FBXW7: variants seen among roughly 807,000 people sequenced by gnomAD.
FBXW7 encodes the protein F-box and WD repeat domain containing 7, also known as F-box/WD repeat-containing protein 7.
In FBXW7, 11 loss-of-function variants were observed where a neutral mutation model predicts 86.3. The ratio of observed to expected loss-of-function variants is 0.13; its 90% CI spans 0.08 to 0.21. The LOEUF is 0.21. Among genes scored for constraint, FBXW7 ranks in the 10% least tolerant of loss-of-function variants. The probability of loss-of-function intolerance (pLI) is 1.00; values close to 1 mark genes in which losing one functional copy is unlikely to be tolerated. For synonymous variants in FBXW7, 313 were observed against 297.9 expected (o/e 1.05, Z -0.52); for missense variants, 488 against 847.4 (o/e 0.58, Z 5.27).
intron 2 of FBXW7, 172 bp from the exon 3 acceptor site, chr4:152,412,701 T>C (rs1201912159): frequency 6.6e-6 from 1 of 152,048 alleles, no homozygotes; most frequent in East Asian, 1.9e-4. Flanking sequence ...AAACATGACG[T>C]TCATAAAATA....
At chr4:152,348,752 T>C in intron 5 of FBXW7, 1 of 1,062,938 alleles carries the variant, frequency 9.4e-7, no homozygotes, top group Non-Finnish European at 1.2e-6. Flanking sequence ...TAACATTAAA[T>C]GCAAATTTCT....
chr4:152,393,173 G>GA (rs898137100), intron 4 of FBXW7, among the ~76,000 whole-genome samples: 1 of 151,942 alleles, frequency 6.6e-6, no homozygotes, highest in Non-Finnish European at 1.5e-5. Context: ...AAAAGAAGGT[G>GA]AAAAAAATCA....
intron 4 of FBXW7, among the ~76,000 whole-genome samples, chr4:152,373,201 A>G (rs1439288883): frequency 6.6e-6 from 1 of 152,050 alleles, no homozygotes; most frequent in Non-Finnish European, 1.5e-5. Context: ...GAACCTTCCT[A>G]TGCCTGAGAT....
chr4:152,425,041 AGAT>A (rs1739260143), intron 2 of FBXW7, among the ~76,000 whole-genome samples: 1 of 152,234 alleles, frequency 6.6e-6, no homozygotes, highest in African/African-American at 2.4e-5. Context: ...ACAAGCTCCC[AGAT>A]GATGCCATTA....
chr4:152,463,256 T>A (rs888806387), intron 2 of FBXW7, among the ~76,000 whole-genome samples: 1 of 151,686 alleles, frequency 6.6e-6, no homozygotes, highest in African/African-American at 2.4e-5. Context: ...ACCACTGCAC[T>A]CCAGCCTGGG....
At chr4:152,477,027 A>C (rs759562969) in intron 2 of FBXW7, among the ~76,000 whole-genome samples, 1 of 151,792 alleles carries the variant, frequency 6.6e-6, no homozygotes, top group Non-Finnish European at 1.5e-5. Context: ...TCACACTACT[A>C]TATGGGAACC....
At chr4:152,397,860 C>A (rs1001696962) in intron 4 of FBXW7, among the ~76,000 whole-genome samples, 2 of 151,802 alleles carry the variant, frequency 1.3e-5, no homozygotes, top group African/African-American at 2.4e-5. Context: ...AGAGATAATT[C>A]TTTTCTCACA....
intron 2 of FBXW7, among the ~76,000 whole-genome samples, chr4:152,467,613 C>T (rs1216745378): frequency 6.6e-6 from 1 of 152,160 alleles, no homozygotes; most frequent in African/African-American, 2.4e-5. Context: ...TTGCTTAAAA[C>T]AATTAGCTGA....
At chr4:152,348,765 T>C (rs1183123352) in intron 5 of FBXW7, 4 of 959,706 alleles carry the variant, frequency 4.2e-6, no homozygotes, top group Non-Finnish European at 5.6e-6. Flanking sequence ...AAATTTCTCA[T>C]CCAAGAAATA....
In FBXW7 at chr4:152,350,023, T is replaced by A. The variant is rs2126648906; in HGVS notation, c.584+19A>T. On this transcript the variant is annotated intron_variant, in intron 5 of 13. Coordinates refer to ENST00000281708, the MANE Select transcript of FBXW7 (RefSeq NM_001349798.2). ...TAAAAAACTGAGAATCATGAGATAA[T>A]CATTATATTTAATATTACCTTGTAT... 1 of 1,333,824 alleles carries A rather than the reference T, an allele frequency of 7.5e-7. No homozygotes were observed. Among genetic ancestry groups the A allele is most frequent in the South Asian group, 1.5e-5 (1 of 68,780 alleles). The allele number at this position is 1,333,824 out of a possible 1,614,324, so 82.6% of individuals were successfully genotyped here.
chr4:152,400,161 T>C (rs372674970), intron 4 of FBXW7, among the ~76,000 whole-genome samples: 1 of 152,112 alleles, frequency 6.6e-6, no homozygotes, highest in East Asian at 1.9e-4. Context: ...TCTTTGACAA[T>C]GGAACAAAGG....
At chr4:152,482,786 A>G (rs879417840) in intron 2 of FBXW7, among the ~76,000 whole-genome samples, 2 of 152,092 alleles carry the variant, frequency 1.3e-5, no homozygotes, top group Non-Finnish European at 2.9e-5. Context: ...CTTTTATTCT[A>G]TATTTGTCTT....
chr4:152,353,054 T>C lies in FBXW7; in HGVS notation c.502-2930A>G, dbSNP rs950005378. ...CTTTCAAACTTTCAAGAGGTTATTT[T>C]TGTATTTTGTAAAACCTGCATTTTT... On this transcript the variant is annotated intron_variant, in intron 4 of 13. Coordinates refer to ENST00000281708, the MANE Select transcript of FBXW7 (RefSeq NM_001349798.2). 1.1e-5 allele frequency: 12 copies of C among 1,116,740 alleles called. 1 individual carries two copies. 69.2% of individuals were successfully genotyped at this position (1,116,740 alleles called of 1,614,324 possible).
At chr4:152,479,188 T>C (rs563887946) in intron 2 of FBXW7, among the ~76,000 whole-genome samples, 4 of 152,078 alleles carry the variant, frequency 2.6e-5, no homozygotes, top group Non-Finnish European at 5.9e-5. Flanking sequence ...TCCTAAGAGA[T>C]GCAAATGACA....
chr4:152,361,455 T>C (rs1290551777), intron 4 of FBXW7, among the ~76,000 whole-genome samples: 1 of 152,188 alleles, frequency 6.6e-6, no homozygotes, highest in Non-Finnish European at 1.5e-5. Flanking sequence ...CAAAAGACTC[T>C]GAAGGTCAAT....
chr4:152,449,061 C>T (rs1741673826), intron 2 of FBXW7, among the ~76,000 whole-genome samples: 1 of 152,120 alleles, frequency 6.6e-6, no homozygotes, highest in South Asian at 2.1e-4. Flanking sequence ...GTTCAAGAAC[C>T]GTTTAATATC....
chr4:152,383,048 T>G (rs1300376397), intron 4 of FBXW7, among the ~76,000 whole-genome samples: 1 of 152,188 alleles, frequency 6.6e-6, no homozygotes, highest in African/African-American at 2.4e-5. Flanking sequence ...TAGCTATTAA[T>G]ACACACTTCA....
At chr4:152,477,457 A>G (rs1215471576) in intron 2 of FBXW7, among the ~76,000 whole-genome samples, 2 of 152,130 alleles carry the variant, frequency 1.3e-5, no homozygotes, top group African/African-American at 2.4e-5. Context: ...AACAATGAAA[A>G]TGTCTCAATC....
At chr4:152,402,991 C>G (rs1414263421) in intron 4 of FBXW7, among the ~76,000 whole-genome samples, 2 of 152,170 alleles carry the variant, frequency 1.3e-5, no homozygotes, top group African/African-American at 4.8e-5. Flanking sequence ...AGCCACTGGG[C>G]ACAGGTTTGG....
Sources: gnomAD v4.1 joint callset for allele counts (sites outside exome capture counted in the v4.1 genomes callset) on GRCh38, gnomAD v4.1.1 for gene constraint, MANE v1.5 for transcripts, NCBI Gene and HGNC (gene_info 2026-07-23, HGNC 2026-07-21) for gene names.